NXPE4: variants seen among roughly 807,000 people sequenced by gnomAD.
NXPE4 encodes the protein NXPE family member 4.
NXPE4 carries 42 observed loss-of-function variants against 33.3 expected under a neutral mutation model. The ratio of observed to expected loss-of-function variants is 1.26; its 90% CI spans 0.98 to 1.63. The LOEUF (loss-of-function observed/expected upper bound fraction) is 1.63, where lower values mean the gene tolerates loss of function less well. NXPE4 is among the 40% of genes most tolerant of loss of function. The pLI, the probability that NXPE4 is intolerant of heterozygous loss-of-function variation, is 0.00. For synonymous variants in NXPE4, 253 were observed against 234.9 expected, an observed-to-expected ratio of 1.08 and a Z score of -0.71; for missense variants, 709 against 647.6, an observed-to-expected ratio of 1.09 and a Z score of -1.03.
At chr11:114,618,748 G>A in the NXPE4 span, among the ~76,000 whole-genome samples, 21 of 151,966 alleles carry the variant, frequency 1.4e-4, no homozygotes, top group Admixed American at 5.9e-4. Flanking sequence ...GTGTTATCTC[G>A]TGCGTAGCCA....
chr11:114,665,199 G>T, the NXPE4 span, among the ~76,000 whole-genome samples: 1 of 152,040 alleles, frequency 6.6e-6, no homozygotes, highest in Non-Finnish European at 1.5e-5. Flanking sequence ...AATACAGAAA[G>T]TAATATCTAT....
At chr11:114,670,922 A>G in the NXPE4 span, among the ~76,000 whole-genome samples, 2 of 151,818 alleles carry the variant, frequency 1.3e-5, no homozygotes, top group East Asian at 1.9e-4. Context: ...TCAGACAAAG[A>G]CTGCAAGATA....
the NXPE4 span, among the ~76,000 whole-genome samples, chr11:114,657,842 A>G: frequency 6.6e-6 from 1 of 152,178 alleles, no homozygotes; most frequent in African/African-American, 2.4e-5. Flanking sequence ...TTCCAGCCCC[A>G]ATTTTACAGA....
the NXPE4 span, among the ~76,000 whole-genome samples, chr11:114,652,091 T>A: frequency 1.3e-5 from 2 of 151,866 alleles, no homozygotes; most frequent in Non-Finnish European, 2.9e-5. Context: ...AATACTTAAA[T>A]TTTTTTTTAA....
intron 2 of NXPE4, among the ~76,000 whole-genome samples, chr11:114,593,125 TTTTGGATAAGACC>T (rs936456084): frequency 6.4e-4 from 97 of 152,230 alleles, no homozygotes; most frequent in African/African-American, 2.2e-3. Flanking sequence ...GCCAGAGGAT[TTTTGGATAAGACC>T]TCAAATGCAC....
At chr11:114,669,797 T>C in the NXPE4 span, among the ~76,000 whole-genome samples, 1 of 152,080 alleles carries the variant, frequency 6.6e-6, no homozygotes, top group African/African-American at 2.4e-5. Flanking sequence ...AAAAAAACTC[T>C]TCCAAAGATA....
At chr11:114,606,215 C>T in the NXPE4 span, among the ~76,000 whole-genome samples, 4 of 151,700 alleles carry the variant, frequency 2.6e-5, no homozygotes, top group Non-Finnish European at 5.9e-5. Context: ...ATACGTATTG[C>T]CTCATGGGTA....
chr11:114,664,176 C>T, the NXPE4 span, among the ~76,000 whole-genome samples: 2 of 152,132 alleles, frequency 1.3e-5, no homozygotes, highest in African/African-American at 4.8e-5. Context: ...CTGCTGAATG[C>T]TGTAATTCAG....
the NXPE4 span, among the ~76,000 whole-genome samples, chr11:114,633,251 A>C: frequency 7.4e-6 from 1 of 134,930 alleles, no homozygotes; most frequent in African/African-American, 2.8e-5. Context: ...ATAATATATA[A>C]TATATAAGAA....
At chr11:114,590,882 C>T (rs1419144295) in intron 2 of NXPE4, among the ~76,000 whole-genome samples, 1 of 152,198 alleles carries the variant, frequency 6.6e-6, no homozygotes, top group Non-Finnish European at 1.5e-5. Flanking sequence ...CTTTGGCTAA[C>T]AGTCCGTTGG....
the NXPE4 span, among the ~76,000 whole-genome samples, chr11:114,635,718 A>T: frequency 1.3e-5 from 2 of 152,140 alleles, no homozygotes; most frequent in South Asian, 4.2e-4. Context: ...ATCTATTGAG[A>T]TAATCATGTG....
At chr11:114,646,625 A>C in the NXPE4 span, among the ~76,000 whole-genome samples, 1 of 152,176 alleles carries the variant, frequency 6.6e-6, no homozygotes, top group Non-Finnish European at 1.5e-5. Context: ...CAAAATAACA[A>C]GTATTTTTAC....
chr11:114,605,712 C>A, the NXPE4 span, among the ~76,000 whole-genome samples: 1 of 151,688 alleles, frequency 6.6e-6, no homozygotes, highest in African/African-American at 2.4e-5. Flanking sequence ...ATACATGTTA[C>A]CTAATGGGTA....
At chr11:114,579,122 G>A (rs1312161077) in intron 5 of NXPE4, among the ~76,000 whole-genome samples, 3 of 152,142 alleles carry the variant, frequency 2.0e-5, no homozygotes, top group African/African-American at 4.8e-5. Context: ...TGGTGAGGCC[G>A]GGAAGCTTTT....
intron 5 of NXPE4, among the ~76,000 whole-genome samples, chr11:114,575,193 A>G (rs893274924): frequency 3.3e-5 from 5 of 152,134 alleles, no homozygotes; most frequent in Admixed American, 6.5e-5. Flanking sequence ...GACATACCTT[A>G]AGGTAATAGA....
chr11:114,594,881 G>A (rs1949545081), intron 1 of NXPE4, 112 bp from the exon 2 acceptor site: 1 of 601,734 alleles, frequency 1.7e-6, no homozygotes, highest in Admixed American at 3.1e-5. Flanking sequence ...TTTAGCCTCA[G>A]ATAAATAACT....
chr11:114,663,690 C>CTATCTATA, the NXPE4 span, among the ~76,000 whole-genome samples: 20 of 147,264 alleles, frequency 1.4e-4, no homozygotes, highest in Admixed American at 2.0e-4. Flanking sequence ...ATCTATCTAT[C>CTATCTATA]TATCTATCTA....
At chr11:114,621,068 A>G in the NXPE4 span, among the ~76,000 whole-genome samples, 9 of 151,414 alleles carry the variant, frequency 5.9e-5, no homozygotes, top group South Asian at 1.7e-3. Flanking sequence ...GGTAACCACT[A>G]TTACCCCGTG....
At chr11:114,655,815 G>A in the NXPE4 span, among the ~76,000 whole-genome samples, 5 of 152,194 alleles carry the variant, frequency 3.3e-5, no homozygotes, top group South Asian at 2.1e-4. Flanking sequence ...TCATAAGAGC[G>A]ATTTATGACA....
Sources: gnomAD v4.1 joint callset for allele counts (sites outside exome capture counted in the v4.1 genomes callset) on GRCh38, gnomAD v4.1.1 for gene constraint, MANE v1.5 for transcripts, NCBI Gene and HGNC (gene_info 2026-07-23, HGNC 2026-07-21) for gene names.